The following PCDHA7 variants were observed in gnomAD, a reference collection of about 807,000 sequenced individuals.
PCDHA7 encodes the protein protocadherin alpha-7.
In PCDHA7, 37 loss-of-function variants were observed where a neutral mutation model predicts 57.2. The observed-to-expected ratio is 0.65, with a 90% confidence interval of 0.50 to 0.85. The LOEUF is 0.85. Ranked by LOEUF, PCDHA7 falls within the 40% of genes least tolerant of loss-of-function variation. The probability of loss-of-function intolerance (pLI) is 0.00; values close to 1 mark genes in which losing one functional copy is unlikely to be tolerated. For missense variants in PCDHA7, 1,188 were observed against 1,241.8 expected (o/e 0.96, Z 0.65); for synonymous variants, 553 against 558.8 (o/e 0.99, Z 0.15).
chr5:140,916,367 C>G (rs1400347792), intron 1 of PCDHA7, among the ~76,000 whole-genome samples: 1 of 152,196 alleles, frequency 6.6e-6, no homozygotes, highest in Non-Finnish European at 1.5e-5. Flanking sequence ...GAGTCTTTCA[C>G]TGTAGCCACC....
At chr5:140,910,690 G>T (rs2153515620) in intron 1 of PCDHA7, among the ~76,000 whole-genome samples, 1 of 152,224 alleles carries the variant, frequency 6.6e-6, no homozygotes, top group African/African-American at 2.4e-5. Context: ...GGCATTTCCA[G>T]CTTGCTCACA....
chr5:140,992,460 G>T (rs1554252924), intron 3 of PCDHA7, among the ~76,000 whole-genome samples: 1 of 152,170 alleles, frequency 6.6e-6, no homozygotes, highest in African/African-American at 2.4e-5. Context: ...GCAGAGGACA[G>T]TACTCTTTAG....
Position 140,881,345 on chromosome 5 carries a change from T to A in PCDHA7, c.2355+44607T>A, listed in dbSNP as rs2058675594. The A allele has an allele frequency of 4.1e-6, 4 of 985,136 alleles. No individual in the cohort carries two copies. In the African/African-American group the frequency reaches 7.0e-5, roughly 17 times the overall value. The allele number at this position is 985,136 out of a possible 1,614,324, so 61.0% of individuals were successfully genotyped here. A position where few individuals can be genotyped will look rare whatever the true frequency, so the allele number is the denominator to read the frequency against. On this transcript the variant is annotated intron_variant, in intron 1 of 3. Transcript: ENST00000525929. ...ATTTAACCAGGACGCCGATTCGGGC[T>A]ACAATGCGTGGCTTTCGTATGAATT... is the stretch of plus-strand genomic sequence containing the variant.
At chr5:140,851,889 A>G in intron 1 of PCDHA7, 1 of 976,024 alleles carries the variant, frequency 1.0e-6, no homozygotes, top group East Asian at 1.1e-4. Context: ...TCTGGATATG[A>G]GATTTGCCTC....
intron 1 of PCDHA7, among the ~76,000 whole-genome samples, chr5:140,909,261 G>A (rs1358542746): frequency 6.6e-6 from 1 of 152,226 alleles, no homozygotes; most frequent in Admixed American, 6.5e-5. Flanking sequence ...CTTGCTGACT[G>A]AAGGCAAATT....
At chr5:140,987,960 C>G (rs2097275437) in intron 3 of PCDHA7, among the ~76,000 whole-genome samples, 1 of 152,120 alleles carries the variant, frequency 6.6e-6, no homozygotes, top group African/African-American at 2.4e-5. Flanking sequence ...AACCAACTCC[C>G]CATGGAAAGA....
intron 1 of PCDHA7, chr5:140,858,628 C>T (rs574787408): frequency 1.8e-6 from 2 of 1,091,216 alleles, no homozygotes; most frequent in South Asian, 3.4e-5. Context: ...CCCAGTGTGT[C>T]AGCCTTTGAT....
At chr5:140,954,119 C>A (rs547590061) in intron 1 of PCDHA7, among the ~76,000 whole-genome samples, 1 of 152,274 alleles carries the variant, frequency 6.6e-6, no homozygotes, top group African/African-American at 2.4e-5. Flanking sequence ...AGATCTTGTT[C>A]CTTTTTATGG....
intron 1 of PCDHA7, among the ~76,000 whole-genome samples, chr5:140,907,623 G>T (rs553186767): frequency 6.6e-6 from 1 of 152,352 alleles, no homozygotes; most frequent in East Asian, 1.9e-4. Context: ...AGGGCTCAGT[G>T]TTGGTCTCTG....
intron 1 of PCDHA7, among the ~76,000 whole-genome samples, chr5:140,916,143 T>A (rs1237563249): frequency 4.6e-5 from 7 of 152,012 alleles, no homozygotes; most frequent in Non-Finnish European, 8.8e-5. Context: ...GCTGTTCAGT[T>A]GTGTTGTGGT....
At chr5:140,843,596 T>A in intron 1 of PCDHA7, 1 of 1,596,026 alleles carries the variant, frequency 6.3e-7, no homozygotes, top group Non-Finnish European at 8.6e-7. Flanking sequence ...GCAGAGGGTG[T>A]GCTCTGGTGA....
chr5:140,927,848 G>A (rs1295513512), intron 1 of PCDHA7: 3 of 1,614,062 alleles, frequency 1.9e-6, no homozygotes, highest in Non-Finnish European at 2.5e-6. Context: ...GGTGTCTTTG[G>A]TTTAGCTAGC....
chr5:140,879,204 G>A (rs1041591784), intron 1 of PCDHA7, among the ~76,000 whole-genome samples: 3 of 152,328 alleles, frequency 2.0e-5, no homozygotes, highest in Admixed American at 6.5e-5. Flanking sequence ...AATTATGGCA[G>A]TAGAAATGAA....
In PCDHA7 at chr5:140,857,966, G is replaced by C. The variant is rs1212933789; in HGVS notation, c.2355+21228G>C. 1.9e-6 allele frequency: 3 copies of C among 1,596,950 alleles called. No individual in the cohort carries two copies. The highest frequency in any genetic ancestry group is 1.1e-5 in the South Asian group (1 of 90,498). ...TACGACGCGCGCTCTGGATGAGACT[G>C]ACTCGCCACGCCAGCGCCTACTGGT... is the stretch of plus-strand genomic sequence containing the variant. On this transcript the variant is annotated intron_variant, in intron 1 of 3. Transcript: ENST00000525929.
chr5:140,967,310 G>A (rs2096126313), intron 1 of PCDHA7: 1 of 1,611,338 alleles, frequency 6.2e-7, no homozygotes, highest in East Asian at 2.2e-5. Context: ...CGCCAACTCA[G>A]TACAGACCTA....
intron 3 of PCDHA7, among the ~76,000 whole-genome samples, chr5:141,000,094 C>G (rs782020096): frequency 1.3e-5 from 2 of 152,128 alleles, no homozygotes; most frequent in Non-Finnish European, 2.9e-5. Flanking sequence ...GTGAATGGAG[C>G]TCAACTCCGT....
chr5:140,917,435 T>A (rs1179418321), intron 1 of PCDHA7, among the ~76,000 whole-genome samples: 2 of 152,200 alleles, frequency 1.3e-5, no homozygotes, highest in South Asian at 2.1e-4. Flanking sequence ...CAATTTTTGT[T>A]TTTGCTGCAA....
intron 1 of PCDHA7, among the ~76,000 whole-genome samples, chr5:140,897,588 T>C (rs1554187466): frequency 6.6e-6 from 1 of 152,172 alleles, no homozygotes; most frequent in African/African-American, 2.4e-5. Flanking sequence ...CAGTCTGTCA[T>C]TGTTGGACAT....
Position 141,005,701 on chromosome 5 carries a change from C to CAAA in PCDHA7, c.2504-3898_2504-3896dup, listed in dbSNP as rs59860837. ...TGGGCGACAGAGCGAAACTCCGTCTCAAAAAAAAAAAAAAAAAAAAAAAAA... is the reference window on the plus strand; with the variant it reads ...TGGGCGACAGAGCGAAACTCCGTCTCAAAAAAAAAAAAAAAAAAAAAAAAAAAA... On this transcript the variant is annotated intron_variant, in intron 3 of 3. Transcript: ENST00000525929. Among the ~76,000 whole-genome samples the CAAA allele has an allele frequency of 9.1e-3, 71 of 7,774 alleles. 6 individuals are homozygous for CAAA. Among genetic ancestry groups the CAAA allele is most frequent in the Non-Finnish European group, 0.012 (43 of 3,684 alleles). 5.1% of individuals were successfully genotyped at this position (7,774 alleles called of 152,430 possible).
Sources: allele counts gnomAD v4.1 joint callset (sites outside exome capture counted in the v4.1 genomes callset), GRCh38; gene constraint gnomAD v4.1.1; transcripts MANE v1.5; gene names NCBI Gene and HGNC (gene_info 2026-07-23, HGNC 2026-07-21).